NKAIN3: variants seen among roughly 807,000 people sequenced by gnomAD.
NKAIN3 encodes sodium/potassium transporting ATPase interacting 3, also known as sodium/potassium-transporting ATPase subunit beta-1-interacting protein 3.
A neutral mutation model predicts 30.2 loss-of-function variants in NKAIN3; 25 were observed. The ratio of observed to expected loss-of-function variants is 0.83; its 90% CI spans 0.60 to 1.16. The LOEUF (loss-of-function observed/expected upper bound fraction) is 1.16, where lower values mean the gene tolerates loss of function less well. NKAIN3 is among the 50% of genes most tolerant of loss of function. The pLI, the probability that NKAIN3 is intolerant of heterozygous loss-of-function variation, is 0.00. For synonymous variants in NKAIN3, 91 were observed against 89.6 expected, an observed-to-expected ratio of 1.02 and a Z score of -0.09; for missense variants, 225 against 254.1, an observed-to-expected ratio of 0.89 and a Z score of 0.78.
intron 3 of NKAIN3, among the ~76,000 whole-genome samples, chr8:62,720,981 T>C (rs1167018038): frequency 6.6e-6 from 1 of 152,190 alleles, no homozygotes; most frequent in Non-Finnish European, 1.5e-5. Flanking sequence ...CATGCGTCTT[T>C]ATAGAGAGCC....
At chr8:62,443,533 G>A (rs577478468) in intron 1 of NKAIN3, among the ~76,000 whole-genome samples, 28 of 151,900 alleles carry the variant, frequency 1.8e-4, no homozygotes, top group Admixed American at 5.2e-4. Context: ...AGAGGTGCGA[G>A]CCACCATGCC....
intron 1 of NKAIN3, among the ~76,000 whole-genome samples, chr8:62,563,684 A>T (rs1211425939): frequency 6.6e-6 from 1 of 152,190 alleles, no homozygotes; most frequent in Non-Finnish European, 1.5e-5. Flanking sequence ...TTGATATAAG[A>T]GAAGCAGTGA....
At chr8:62,877,896 C>T (rs954808919) in intron 4 of NKAIN3, among the ~76,000 whole-genome samples, 7 of 151,858 alleles carry the variant, frequency 4.6e-5, no homozygotes, top group Non-Finnish European at 7.4e-5. Context: ...CAAAATTAGC[C>T]GGGCATGGTG....
chr8:62,791,876 G>T (rs1407081903), intron 4 of NKAIN3, among the ~76,000 whole-genome samples: 1 of 152,002 alleles, frequency 6.6e-6, no homozygotes, highest in Non-Finnish European at 1.5e-5. Context: ...TGTGCTGATT[G>T]TTCTGTCTTT....
chr8:62,899,384 G>T (rs1432761020), intron 4 of NKAIN3, among the ~76,000 whole-genome samples: 1 of 152,172 alleles, frequency 6.6e-6, no homozygotes, highest in African/African-American at 2.4e-5. Context: ...TATACACAAT[G>T]GAGTACTGTT....
chr8:62,863,077 T>C, intron 4 of NKAIN3: 1 of 1,061,060 alleles, frequency 9.4e-7, no homozygotes, highest in Non-Finnish European at 1.4e-6. Context: ...GTATCATATA[T>C]CTCTCAAGTT....
chr8:62,350,755 A>G (rs953546354), intron 1 of NKAIN3, among the ~76,000 whole-genome samples: 5 of 152,044 alleles, frequency 3.3e-5, no homozygotes, highest in African/African-American at 1.2e-4. Flanking sequence ...CAGTGGCGCA[A>G]TCTTGGCTCA....
chr8:62,906,082 C>A (rs55771025), intron 4 of NKAIN3, among the ~76,000 whole-genome samples: 17,558 of 152,242 alleles, frequency 0.12, 1,349 homozygotes, highest in Middle Eastern at 0.2. Context: ...AGTAACACAA[C>A]CCACAAGTGT....
intron 3 of NKAIN3, among the ~76,000 whole-genome samples, chr8:62,695,300 G>GT (rs1814117956): frequency 6.6e-6 from 1 of 152,168 alleles, no homozygotes; most frequent in South Asian, 2.1e-4. Context: ...TCAGGCAATG[G>GT]TTTAGTGACA....
chr8:62,553,185 G>A (rs954709709), intron 1 of NKAIN3, among the ~76,000 whole-genome samples: 1 of 151,968 alleles, frequency 6.6e-6, no homozygotes, highest in African/African-American at 2.4e-5. Context: ...CTTCCACTTG[G>A]CTTGCCAAAC....
chr8:62,451,862 T>A (rs966398258), intron 1 of NKAIN3, among the ~76,000 whole-genome samples: 12 of 152,218 alleles, frequency 7.9e-5, no homozygotes, highest in African/African-American at 2.9e-4. Flanking sequence ...GGCCAAAATA[T>A]GTCTGAGATC....
chr8:62,919,651 T>A (rs1490661746), intron 5 of NKAIN3, among the ~76,000 whole-genome samples: 1 of 152,198 alleles, frequency 6.6e-6, no homozygotes, highest in Non-Finnish European at 1.5e-5. Flanking sequence ...TGCATTGCAG[T>A]CATTGTTTGA....
chr8:62,782,246 C>T (rs1817375598), intron 4 of NKAIN3, among the ~76,000 whole-genome samples: 1 of 151,744 alleles, frequency 6.6e-6, no homozygotes, highest in Non-Finnish European at 1.5e-5. Context: ...GTTAGAATGC[C>T]AATTACTAAA....
At chr8:62,346,712 C>T (rs1175388133) in intron 1 of NKAIN3, among the ~76,000 whole-genome samples, 1 of 152,038 alleles carries the variant, frequency 6.6e-6, no homozygotes, top group East Asian at 1.9e-4. Flanking sequence ...GAAAGGTTGA[C>T]CTGAGTCCAG....
rs113755920 is a variant in NKAIN3 at position 62,309,801 on chromosome 8, T to C, written c.54+60674T>C. On this transcript the variant is annotated intron_variant, in intron 1 of 6. Coordinates refer to ENST00000623646, the MANE Select transcript of NKAIN3 (RefSeq NM_001304533.3). ...TCTTAGATCTTTGAAGCAGCCATGATAGCTTATAGTGAAACTTTTGACATA... is the reference window on the plus strand; with the variant it reads ...TCTTAGATCTTTGAAGCAGCCATGACAGCTTATAGTGAAACTTTTGACATA... 4.6e-3 allele frequency among the ~76,000 whole-genome samples: 697 copies of C among 150,716 alleles called. 69 individuals carry two copies. Among genetic ancestry groups the C allele is most frequent in the African/African-American group, 0.016 (652 of 40,052 alleles).
intron 3 of NKAIN3, among the ~76,000 whole-genome samples, chr8:62,642,259 A>T (rs906756911): frequency 6.6e-6 from 1 of 152,136 alleles, no homozygotes; most frequent in African/African-American, 2.4e-5. Flanking sequence ...ATGTAGCATG[A>T]CATAGCAGAA....
chr8:62,597,807 C>T (rs1224292745), intron 3 of NKAIN3, among the ~76,000 whole-genome samples: 2 of 151,922 alleles, frequency 1.3e-5, no homozygotes, highest in Non-Finnish European at 2.9e-5. Flanking sequence ...TAACCTCATA[C>T]ATTTGGTTTA....
chr8:62,614,976 G>C (rs897984333), intron 3 of NKAIN3, among the ~76,000 whole-genome samples: 2 of 152,184 alleles, frequency 1.3e-5, no homozygotes, highest in East Asian at 1.9e-4. Flanking sequence ...CCAAGAGCCT[G>C]CTTGGTGCTC....
At chr8:62,957,957 CA>C (rs1191532784) in intron 6 of NKAIN3, among the ~76,000 whole-genome samples, 1 of 152,122 alleles carries the variant, frequency 6.6e-6, no homozygotes, top group Non-Finnish European at 1.5e-5. Flanking sequence ...AGGGCAGGAA[CA>C]GGGGCAGGGA....
Sources: gnomAD v4.1 joint callset for allele counts (sites outside exome capture counted in the v4.1 genomes callset) on GRCh38, gnomAD v4.1.1 for gene constraint, MANE v1.5 for transcripts, NCBI Gene and HGNC (gene_info 2026-07-23, HGNC 2026-07-21) for gene names.